The following MAP2 variants were observed in gnomAD, a reference collection of about 807,000 sequenced individuals.
MAP2 encodes microtubule-associated protein 2.
MAP2 carries 14 observed loss-of-function variants against 137.6 expected under a neutral mutation model. The ratio of observed to expected loss-of-function variants is 0.10; its 90% CI spans 0.07 to 0.16. MAP2 has a LOEUF of 0.16. MAP2 is among the 10% of genes least tolerant of loss of function. MAP2 has a pLI of 1.00. For synonymous variants in MAP2, 786 were observed against 782.3 expected, an observed-to-expected ratio of 1.00 and a Z score of -0.08; for missense variants, 2,088 against 2,191.5, an observed-to-expected ratio of 0.95 and a Z score of 0.94.
At chr2:209,449,205 C>A (rs1452214087) in intron 1 of MAP2, among the ~76,000 whole-genome samples, 1 of 152,188 alleles carries the variant, frequency 6.6e-6, no homozygotes, top group East Asian at 1.9e-4. Context: ...AGCACTGTAT[C>A]ACCTAGCACA....
intron 2 of MAP2, among the ~76,000 whole-genome samples, chr2:209,537,346 G>T (rs894630401): frequency 5.3e-5 from 8 of 152,086 alleles, no homozygotes; most frequent in Non-Finnish European, 1.0e-4. Flanking sequence ...CATATAAGTT[G>T]AATTAATTTA....
At chr2:209,580,610 C>T (rs1229594227) in intron 3 of MAP2, among the ~76,000 whole-genome samples, 1 of 152,100 alleles carries the variant, frequency 6.6e-6, no homozygotes, top group Non-Finnish European at 1.5e-5. Context: ...ATTGACATTT[C>T]AGTCTTTAAA....
In MAP2 at chr2:209,678,624, C is replaced by T; in HGVS notation, c.315C>T (p.Val105=). Residue 105 remains valine (V), a synonymous_variant, in exon 6 of 16, where the codon GTC becomes GTT. Coordinates refer to ENST00000682079, the MANE Select transcript of MAP2 (RefSeq NM_001375505.1). ...TAGTCACTGCTGAGGCTGTAGCAGT[C>T]CTGAAAGGTGAACAAGAGAAAGAAG... ...VQVVTAEAVA[V]LKGEQEKEAQ... is the part of the protein sequence containing the mutation. 6.2e-7 allele frequency: 1 copy of T among 1,607,908 alleles called. No homozygotes were observed. The highest frequency in any genetic ancestry group is 8.5e-7 in the Non-Finnish European group (1 of 1,176,774).
At chr2:209,514,914 C>T (rs1576810727) in intron 2 of MAP2, among the ~76,000 whole-genome samples, 1 of 152,178 alleles carries the variant, frequency 6.6e-6, no homozygotes, top group East Asian at 1.9e-4. Context: ...TTTGCCAATG[C>T]ACAATACAAG....
At chr2:209,539,729 G>A (rs2066568842) in intron 2 of MAP2, among the ~76,000 whole-genome samples, 1 of 151,760 alleles carries the variant, frequency 6.6e-6, no homozygotes, top group African/African-American at 2.4e-5. Context: ...TTATGTCTGT[G>A]ATGATGGAAT....
chr2:209,730,465 C>A lies in MAP2; in HGVS notation c.*68C>A. ...GCTCTTGGCAGGAGTGGGCTCTGAG[C>A]AGTTGTTATATTCATTCTTTATAAA... On this transcript the variant is annotated 3_prime_UTR_variant, in exon 16 of 16. Coordinates refer to ENST00000682079, the MANE Select transcript of MAP2 (RefSeq NM_001375505.1). 2 of 1,060,386 alleles carry A rather than the reference C, an allele frequency of 1.9e-6. No homozygotes were observed. Among genetic ancestry groups the A allele is most frequent in the South Asian group, 1.4e-5 (1 of 72,962 alleles). 65.7% of individuals were successfully genotyped at this position (1,060,386 alleles called of 1,614,324 possible).
chr2:209,722,930 A>C (rs556078449), intron 13 of MAP2, among the ~76,000 whole-genome samples: 3 of 152,196 alleles, frequency 2.0e-5, no homozygotes, highest in Non-Finnish European at 4.4e-5. Flanking sequence ...ATGATCATCC[A>C]TGGAAAATGG....
At chr2:209,527,557 C>A (rs1489027844) in intron 2 of MAP2, among the ~76,000 whole-genome samples, 1 of 152,160 alleles carries the variant, frequency 6.6e-6, no homozygotes, top group African/African-American at 2.4e-5. Flanking sequence ...TTCTTCACAA[C>A]AATGAGGTTA....
chr2:209,710,403 G>A, intron 13 of MAP2, 149 bp downstream of exon 13: 2 of 675,438 alleles, frequency 3.0e-6, no homozygotes, highest in Non-Finnish European at 4.9e-6. Flanking sequence ...TTTACATTAG[G>A]AAGATAGCCT....
At chr2:209,544,361 T>G (rs2067625062) in intron 2 of MAP2, among the ~76,000 whole-genome samples, 1 of 152,162 alleles carries the variant, frequency 6.6e-6, no homozygotes, top group Non-Finnish European at 1.5e-5. Context: ...AAAATGGTAT[T>G]GGGAGAAATC....
intron 2 of MAP2, among the ~76,000 whole-genome samples, chr2:209,554,859 C>T (rs1164564430): frequency 6.7e-6 from 1 of 148,630 alleles, no homozygotes; most frequent in African/African-American, 2.5e-5. Flanking sequence ...TACACAGTAA[C>T]TATCTGATAA....
intron 3 of MAP2, 106 bp from the exon 4 acceptor site, chr2:209,624,947 T>C (rs2092006559): frequency 6.6e-6 from 1 of 152,214 alleles, no homozygotes; most frequent in South Asian, 2.1e-4. Flanking sequence ...AGTCTTATAG[T>C]TGCCAGAAGA....
chr2:209,470,070 A>G lies in MAP2; in HGVS notation c.-221-37522A>G, dbSNP rs919549921. Among the ~76,000 whole-genome samples, 15 of 152,342 alleles carry G rather than the reference A, an allele frequency of 9.8e-5. No individual in the cohort carries two copies. The East Asian group carries it at 1.2e-3, about 12-fold the overall frequency. On this transcript the variant is annotated intron_variant, in intron 1 of 15. Transcript: ENST00000682079. Reference sequence around the variant, plus strand: ...TACCAGTTTTATTATGGTTTGCTGCATCAAACACATATGTTTGCTTTCAGA... The same window carrying G: ...TACCAGTTTTATTATGGTTTGCTGCGTCAAACACATATGTTTGCTTTCAGA...
chr2:209,454,827 G>A (rs1701168742), intron 1 of MAP2, among the ~76,000 whole-genome samples: 1 of 152,152 alleles, frequency 6.6e-6, no homozygotes, highest in Admixed American at 6.5e-5. Flanking sequence ...CATTTACTCT[G>A]TCTTAGTCAA....
At chr2:209,468,321 T>TC (rs1704694484) in intron 1 of MAP2, among the ~76,000 whole-genome samples, 1 of 138,056 alleles carries the variant, frequency 7.2e-6, no homozygotes, top group South Asian at 2.5e-4. Flanking sequence ...GTGTTTCTTT[T>TC]TTTTTTTTTT....
chr2:209,718,016 T>C (rs909073449), intron 13 of MAP2, among the ~76,000 whole-genome samples: 30 of 152,164 alleles, frequency 2.0e-4, no homozygotes, highest in Non-Finnish European at 8.8e-5. Flanking sequence ...TTACAAGGCT[T>C]TTGTTTGTTT....
At chr2:209,607,668 C>T (rs934590893) in intron 3 of MAP2, among the ~76,000 whole-genome samples, 2 of 152,306 alleles carry the variant, frequency 1.3e-5, no homozygotes, top group African/African-American at 2.4e-5. Flanking sequence ...CTCCTGACCT[C>T]AGGTGATCCA....
chr2:209,661,712 G>C, intron 5 of MAP2: 1 of 983,762 alleles, frequency 1.0e-6, no homozygotes, highest in Non-Finnish European at 1.2e-6. Context: ...GTCCTATGTG[G>C]TCTCTCTACT....
At chr2:209,630,419 T>C (rs1468898751) in intron 4 of MAP2, among the ~76,000 whole-genome samples, 3 of 152,158 alleles carry the variant, frequency 2.0e-5, no homozygotes, top group Non-Finnish European at 4.4e-5. Flanking sequence ...TTCTCATGAA[T>C]GCCAGCTTCA....
Sources: gnomAD v4.1 joint callset for allele counts (sites outside exome capture counted in the v4.1 genomes callset) on GRCh38, gnomAD v4.1.1 for gene constraint, MANE v1.5 for transcripts, NCBI Gene and HGNC (gene_info 2026-07-23, HGNC 2026-07-21) for gene names.